The following DPPA4 variants were observed in gnomAD, a reference collection of about 807,000 sequenced individuals.
DPPA4 encodes the protein developmental pluripotency-associated protein 4.
Under a neutral mutation model 33.7 loss-of-function variants are expected in DPPA4, and 22 were observed. That is an observed-to-expected ratio of 0.65 (90% CI 0.47 to 0.93). The LOEUF (loss-of-function observed/expected upper bound fraction) is 0.93. Ranked by LOEUF, DPPA4 falls within the 40% of genes least tolerant of loss-of-function variation. DPPA4 has a pLI of 0.00. For missense variants in DPPA4, 340 were observed against 358.6 expected (o/e 0.95, Z 0.42); for synonymous variants, 156 against 132.3 (o/e 1.18, Z -1.23).
Position 109,337,458 on chromosome 3 carries a change from A to C in DPPA4, c.54+6T>G. The C allele has an allele frequency of 6.2e-7, 1 of 1,613,408 alleles. No individual in the cohort carries two copies. The highest frequency in any genetic ancestry group is 8.5e-7 in the Non-Finnish European group (1 of 1,179,398). On this transcript the variant is annotated splice_donor_region_variant and intron_variant, in intron 1 of 6. Transcript: ENST00000335658. ...CAGAAAACAAATCCACTAAAACTGT[A>C]CTGACCTCCTTGCCTTTTGCCTTCT...
chr3:109,328,245 G>A (rs1707979275), intron 6 of DPPA4, among the ~76,000 whole-genome samples: 1 of 152,094 alleles, frequency 6.6e-6, no homozygotes, highest in African/African-American at 2.4e-5. Flanking sequence ...AGGAGGCCTT[G>A]GAGGGGCTCT....
chr3:109,330,400 G>A (rs1379884102), intron 5 of DPPA4, 124 bp downstream of exon 5: 1 of 1,057,338 alleles, frequency 9.5e-7, no homozygotes, highest in South Asian at 1.3e-5. Context: ...AAACTCTGTG[G>A]GCAGGGTCCA....
chr3:109,334,613 A>G (rs945842054), intron 1 of DPPA4, among the ~76,000 whole-genome samples: 5 of 152,010 alleles, frequency 3.3e-5, no homozygotes, highest in African/African-American at 1.2e-4. Flanking sequence ...CCAGTCCTTC[A>G]TTCTTGACGC....
intron 1 of DPPA4, among the ~76,000 whole-genome samples, chr3:109,334,558 CACTT>C (rs1318239003): frequency 6.6e-6 from 1 of 151,856 alleles, no homozygotes; most frequent in East Asian, 1.9e-4. Flanking sequence ...GCCCTTAACT[CACTT>C]ACTATATTCC....
At chr3:109,337,721 T>C (rs1708243255), upstream of DPPA4, 2 of 600,214 alleles carry the variant, frequency 3.3e-6, no homozygotes, top group Non-Finnish European at 5.9e-6. Context: ...CTAATACTAT[T>C]CCTGGCCCTT....
Position 109,327,563 on chromosome 3 carries a change from A to G in DPPA4, c.*425T>C, listed in dbSNP as rs1340810815. On this transcript the variant is annotated 3_prime_UTR_variant, in exon 7 of 7. Transcript: ENST00000335658. ...GGCAGGTGCCTGTACCTAGCTACTC[A>G]GGAGGCTGAGGCAGGAGAATCATTT... 1.9e-5 allele frequency: 3 copies of G among 157,112 alleles called. No individual in the cohort carries two copies. The highest frequency in any genetic ancestry group is 2.8e-5 in the Non-Finnish European group (2 of 71,730). 9.7% of individuals were successfully genotyped at this position (157,112 alleles called of 1,614,324 possible). A position where few individuals can be genotyped will look rare whatever the true frequency, so the allele number is the denominator to read the frequency against.
At position 109,331,720 on chromosome 3, in the gene DPPA4, CT is replaced by C; in HGVS notation, c.390+13del. The C allele has an allele frequency of 6.2e-7, 1 of 1,613,220 alleles. No individual in the cohort carries two copies. Among genetic ancestry groups the C allele is most frequent in the Non-Finnish European group, 8.5e-7 (1 of 1,179,356 alleles). On this transcript the variant is annotated intron_variant, in intron 4 of 6. Coordinates refer to ENST00000335658, the MANE Select transcript of DPPA4 (RefSeq NM_018189.4). The stretch of plus-strand genomic sequence containing the variant: ...TAGGATAAGCATTGAAACGTCCATC[CT>C]TTAAAAAGTTACCTTTTGATTTGGG...
At chr3:109,329,842 G>A (rs1192996804) in intron 5 of DPPA4, 1 of 152,440 alleles carries the variant, frequency 6.6e-6, no homozygotes, top group African/African-American at 2.4e-5. Flanking sequence ...GGGCTCAGTT[G>A]CAGGCAATTA....
Position 109,331,948 on chromosome 3 carries a change from G to C in DPPA4, c.262C>G (p.Leu88Val), listed in dbSNP as rs777938286. The change falls in exon 3 of 7, where the codon CTG (leucine) becomes GTG (valine). Residue 88 changes from leucine (L) to valine (V), a missense_variant. Physicochemically the swap from Leu to Val is conservative, Grantham distance 32 (BLOSUM62 1). Coordinates refer to ENST00000335658, the MANE Select transcript of DPPA4 (RefSeq NM_018189.4). ...CGGTGAATCAGATTAACAGGTGGCA[G>C]TTTAGAAGGTAATGGAGGGATTGGT... ...KIPIPPLPSK[L>V]PPVNLIHRDI... The C allele has an allele frequency of 4.9e-5, 79 of 1,614,010 alleles. No homozygotes were observed. Among genetic ancestry groups the C allele is most frequent in the Non-Finnish European group, 6.4e-5 (76 of 1,180,014 alleles).
chr3:109,337,840 CA>C (rs1231924509), upstream of DPPA4, among the ~76,000 whole-genome samples: 2 of 150,684 alleles, frequency 1.3e-5, no homozygotes, highest in African/African-American at 5.0e-5. Context: ...AAACAAAAAA[CA>C]AAAAAACAGT....
upstream of DPPA4, among the ~76,000 whole-genome samples, chr3:109,337,802 G>C (rs1331584521): frequency 6.6e-6 from 1 of 151,980 alleles, no homozygotes; most frequent in Non-Finnish European, 1.5e-5. Flanking sequence ...CACTCCTTCA[G>C]AACGATTCTA....
chr3:109,334,685 T>C (rs1708155219), intron 1 of DPPA4, among the ~76,000 whole-genome samples: 1 of 152,220 alleles, frequency 6.6e-6, no homozygotes, highest in Non-Finnish European at 1.5e-5. Flanking sequence ...CAGTGGTTTA[T>C]TGCTCTTAAC....
At chr3:109,332,979 G>T (rs1418455967) in intron 2 of DPPA4, among the ~76,000 whole-genome samples, 3 of 152,068 alleles carry the variant, frequency 2.0e-5, no homozygotes, top group African/African-American at 7.2e-5. Flanking sequence ...CCAGCTACTT[G>T]GGAGGCTGAG....
At chr3:109,336,347 C>T (rs988687984) in intron 1 of DPPA4, 1 of 152,018 alleles carries the variant, frequency 6.6e-6, no homozygotes, top group Non-Finnish European at 1.5e-5. Context: ...GACTTAAAAC[C>T]GAGACAGTTA....
rs759719517 is a variant in DPPA4 at position 109,330,549 on chromosome 3, T to G, written c.654A>C (p.Ala218=). The stretch of plus-strand genomic sequence containing the variant: ...CAGAGGCCTCTTGTGGAGATTCCAC[T>G]GCCTCTGGTGTCCTCGCCCTGGCTG... ...RISARARTPE[A]VESPQEASGV... The change falls in exon 5 of 7, where the codon GCA becomes GCC. Residue 218 remains alanine (A), a synonymous_variant. Coordinates refer to ENST00000335658, the MANE Select transcript of DPPA4 (RefSeq NM_018189.4). 8 of 1,613,834 alleles carry G rather than the reference T, an allele frequency of 5.0e-6. No individual in the cohort carries two copies. The highest frequency in any genetic ancestry group is 8.5e-7 in the Non-Finnish European group (1 of 1,179,950).
rs771337473 is a variant in DPPA4 at position 109,331,731 on chromosome 3, T to C, written c.390+3A>G. The C allele has an allele frequency of 2.3e-5, 37 of 1,613,402 alleles. No individual in the cohort carries two copies. The African/African-American group carries it at 2.5e-4, about 11-fold the overall frequency. ...TTGAAACGTCCATCCTTTAAAAAGT[T>C]ACCTTTTGATTTGGGTAGGCAAAGG... is the stretch of plus-strand genomic sequence containing the variant. On this transcript the variant is annotated splice_donor_region_variant and intron_variant, in intron 4 of 6. Coordinates refer to ENST00000335658, the MANE Select transcript of DPPA4 (RefSeq NM_018189.4).
chr3:109,335,881 C>T (rs929052194), intron 1 of DPPA4, among the ~76,000 whole-genome samples: 4 of 151,454 alleles, frequency 2.6e-5, no homozygotes, highest in Admixed American at 2.6e-4. Flanking sequence ...GGCTAGGCTC[C>T]GTGGCTCACG....
Position 109,331,713 on chromosome 3 carries a change from GTCCA to G in DPPA4, c.390+17_390+20del. On this transcript the variant is annotated intron_variant, in intron 4 of 6. Transcript: ENST00000335658. ...AGGTAATTAGGATAAGCATTGAAAC[GTCCA>G]TCCTTTAAAAAGTTACCTTTTGATT... The G allele has an allele frequency of 1.4e-5, 23 of 1,611,912 alleles. No individual in the cohort carries two copies. The Middle Eastern group carries it at 3.8e-3, about 267-fold the overall frequency.
chr3:109,337,979 A>G (rs1708247264), upstream of DPPA4, among the ~76,000 whole-genome samples: 1 of 152,226 alleles, frequency 6.6e-6, no homozygotes, highest in Admixed American at 6.5e-5. Flanking sequence ...TCCATTTCCT[A>G]AGTAAGTTAC....
Sources: gnomAD v4.1 joint callset for allele counts (sites outside exome capture counted in the v4.1 genomes callset) on GRCh38, gnomAD v4.1.1 for gene constraint, MANE v1.5 for transcripts, NCBI Gene and HGNC (gene_info 2026-07-23, HGNC 2026-07-21) for gene names.